LIPJ: variants seen among roughly 807,000 people sequenced by gnomAD.
LIPJ encodes the protein lipase member J.
Under a neutral mutation model 39.8 loss-of-function variants are expected in LIPJ, and 33 were observed. The ratio of observed to expected loss-of-function variants is 0.83; its 90% CI spans 0.63 to 1.11. The LOEUF (loss-of-function observed/expected upper bound fraction) is 1.11, where lower values mean the gene tolerates loss of function less well. Ranked by LOEUF, LIPJ falls within the 50% of genes least tolerant of loss-of-function variation. The pLI is 0.00. For missense variants in LIPJ, 422 were observed against 427.9 expected, an observed-to-expected ratio of 0.99 and a Z score of 0.12; for synonymous variants, 128 against 139.2, an observed-to-expected ratio of 0.92 and a Z score of 0.57.
chr10:88,613,596 C>A, the LIPJ span, among the ~76,000 whole-genome samples: 5 of 151,408 alleles, frequency 3.3e-5, no homozygotes, highest in Non-Finnish European at 7.4e-5. Flanking sequence ...ACTGATGAAT[C>A]TCTAAGATTC....
chr10:88,613,800 A>ATATATATATATATATATATATGTGTGTG, the LIPJ span, among the ~76,000 whole-genome samples: 2 of 74,162 alleles, frequency 2.7e-5, no homozygotes, highest in Non-Finnish European at 5.3e-5. Flanking sequence ...ATATATATAT[A>ATATATATATATATATATATATGTGTGTG]TGTGTGTGTG....
chr10:88,592,823 T>C (rs1851124385), intron 4 of LIPJ: 1 of 151,930 alleles, frequency 6.6e-6, no homozygotes, highest in Non-Finnish European at 1.5e-5. Context: ...CATTCTAGAT[T>C]TCTTTACCTC....
At chr10:88,590,463 C>G (rs1851042739) in intron 2 of LIPJ, 122 bp from the exon 3 acceptor site, 1 of 421,362 alleles carries the variant, frequency 2.4e-6, no homozygotes, top group Non-Finnish European at 4.3e-6. Context: ...TTCTTCAAAG[C>G]CTCTGTTTTC....
At chr10:88,622,314 C>T in the LIPJ span, among the ~76,000 whole-genome samples, 4 of 152,096 alleles carry the variant, frequency 2.6e-5, no homozygotes, top group Middle Eastern at 3.2e-3. Flanking sequence ...CAGATTTTAC[C>T]GTGAGCACTC....
chr10:88,592,683 G>T (rs747282000), intron 4 of LIPJ: 4 of 151,878 alleles, frequency 2.6e-5, no homozygotes, highest in Non-Finnish European at 5.9e-5. Flanking sequence ...CTAGAAGGAG[G>T]TGTGATCTCT....
chr10:88,588,775 C>T (rs1322055534), intron 2 of LIPJ, among the ~76,000 whole-genome samples: 1 of 151,908 alleles, frequency 6.6e-6, no homozygotes, highest in Non-Finnish European at 1.5e-5. Flanking sequence ...ATAAAATATT[C>T]AGTTTCTCAC....
the LIPJ span, chr10:88,618,718 T>A: frequency 6.3e-6 from 1 of 159,048 alleles, no homozygotes; most frequent in African/African-American, 2.4e-5. Flanking sequence ...GCCAGCTTTT[T>A]TTGCCAGCCT....
chr10:88,585,311 A>C (rs1157851139), upstream of LIPJ, among the ~76,000 whole-genome samples: 1 of 152,128 alleles, frequency 6.6e-6, no homozygotes, highest in East Asian at 1.9e-4. Context: ...TTCTATTAAT[A>C]ATTTGATCAT....
downstream of LIPJ, among the ~76,000 whole-genome samples, chr10:88,607,581 T>C (rs1375484832): frequency 6.6e-6 from 1 of 152,190 alleles, no homozygotes; most frequent in Admixed American, 6.5e-5. Flanking sequence ...CATAAAACAT[T>C]ATGCACTGTC....
chr10:88,615,057 CAAT>C, the LIPJ span, among the ~76,000 whole-genome samples: 1 of 151,968 alleles, frequency 6.6e-6, no homozygotes, highest in Non-Finnish European at 1.5e-5. Flanking sequence ...AAAGGCAAAA[CAAT>C]AAAGCTTCTA....
exon 11 of LIPJ, chr10:88,606,679 G>A (rs779988606): frequency 1.3e-5 from 20 of 1,593,564 alleles, no homozygotes; most frequent in African/African-American, 2.7e-5. Context: ...TTCAGACAAC[G>A]TCTCCATTAT....
At chr10:88,605,539 T>G in intron 9 of LIPJ, 94 bp from the exon 10 acceptor site, 1 of 808,368 alleles carries the variant, frequency 1.2e-6, no homozygotes, top group Non-Finnish European at 2.1e-6. Context: ...GCAGACCCAG[T>G]ACAATGGGGG....
chr10:88,623,019 A>G, the LIPJ span, among the ~76,000 whole-genome samples: 1 of 152,172 alleles, frequency 6.6e-6, no homozygotes, highest in African/African-American at 2.4e-5. Context: ...AATTCTCTTT[A>G]ACTTTTCAGA....
At chr10:88,583,578 A>G, upstream of LIPJ, 1 of 1,010,944 alleles carries the variant, frequency 9.9e-7, no homozygotes, top group Non-Finnish European at 1.2e-6. Context: ...GATAACTCTC[A>G]TGCCTGTTGG....
At chr10:88,613,794 A>ATGTG in the LIPJ span, among the ~76,000 whole-genome samples, 2 of 49,596 alleles carry the variant, frequency 4.0e-5, no homozygotes, top group Admixed American at 2.2e-4. Flanking sequence ...ATATATATAT[A>ATGTG]TATATATGTG....
chr10:88,594,320 T>A, intron 5 of LIPJ, 176 bp downstream of exon 5: 1 of 585,622 alleles, frequency 1.7e-6, no homozygotes, highest in Non-Finnish European at 3.0e-6. Context: ...TGATTTTGAG[T>A]TTGATTCTTA....
At chr10:88,597,170 G>A (rs931653502) in intron 8 of LIPJ, among the ~76,000 whole-genome samples, 1 of 151,678 alleles carries the variant, frequency 6.6e-6, no homozygotes, top group Admixed American at 6.6e-5. Context: ...ATATTCGAGA[G>A]CAGCTGATGT....
At chr10:88,582,949 G>T (rs911901821), upstream of LIPJ, 8 of 1,135,994 alleles carry the variant, frequency 7.0e-6, no homozygotes, top group East Asian at 2.9e-5. Context: ...CGCGCTACAC[G>T]GCCGCTCAGG....
chr10:88,603,154 T>C (rs1459432688), intron 9 of LIPJ, among the ~76,000 whole-genome samples: 1 of 152,174 alleles, frequency 6.6e-6, no homozygotes, highest in Non-Finnish European at 1.5e-5. Context: ...ACCTAAGTAC[T>C]GTTACAGCAA....
Sources: gnomAD v4.1 joint callset for allele counts (sites outside exome capture counted in the v4.1 genomes callset) on GRCh38, gnomAD v4.1.1 for gene constraint, MANE v1.5 for transcripts, NCBI Gene and HGNC (gene_info 2026-07-23, HGNC 2026-07-21) for gene names.